SSBP4: variants seen among roughly 807,000 people sequenced by gnomAD.
SSBP4 encodes single stranded DNA binding protein 4.
Under a neutral mutation model 64.6 loss-of-function variants are expected in SSBP4, and 33 were observed. The ratio of observed to expected loss-of-function variants is 0.51; its 90% confidence interval spans 0.39 to 0.68. The LOEUF (loss-of-function observed/expected upper bound fraction) is 0.68. Among genes scored for constraint, SSBP4 ranks in the 30% least tolerant of loss-of-function variants. The probability of loss-of-function intolerance (pLI) is 0.00; values close to 1 mark genes in which losing one functional copy is unlikely to be tolerated. For synonymous variants in SSBP4, 243 were observed against 224.0 expected (o/e 1.08, Z -0.76); for missense variants, 583 against 566.8 (o/e 1.03, Z -0.29).
chr19:18,432,980 C>T lies in SSBP4; in HGVS notation c.849C>T (p.Thr283=). 6.2e-7 allele frequency: 1 copy of T among 1,614,176 alleles called. No homozygotes were observed. Among genetic ancestry groups the T allele is most frequent in the Non-Finnish European group, 8.5e-7 (1 of 1,180,024 alleles). The change falls in exon 14 of 18, where the codon ACC becomes ACT. Residue 283 remains threonine (T), a synonymous_variant. Transcript: ENST00000270061. ...TPIMPSPGDS[T]NSSENMYTIM... Reference sequence around the variant, plus strand: ...CCTTCTGGTCTCCCCCAGATTCCACCAACTCCAGCGAAAACATGTACACTA... The same window carrying T: ...CCTTCTGGTCTCCCCCAGATTCCACTAACTCCAGCGAAAACATGTACACTA...
upstream of SSBP4, chr19:18,419,101 ATG>A (rs1972242720): frequency 6.1e-6 from 6 of 985,352 alleles, no homozygotes. Flanking sequence ...GTCGCTGCGA[ATG>A]TGTGTGGCTG....
chr19:18,433,874 G>A (rs1263005463), intron 17 of SSBP4, 57 bp downstream of exon 17: 2 of 1,300,084 alleles, frequency 1.5e-6, no homozygotes, highest in South Asian at 4.5e-5. Context: ...GGGGCTGGCG[G>A]GCAGGCCCCG....
upstream of SSBP4, among the ~76,000 whole-genome samples, chr19:18,416,740 T>C (rs150685722): frequency 2.9e-3 from 437 of 152,218 alleles, 4 homozygotes; most frequent in African/African-American, 0.01. Flanking sequence ...GTCTGAACAT[T>C]CCACTTCCAG....
rs1334542331 is a variant in SSBP4 at position 18,425,346 on chromosome 19, A to T, written c.60-2005A>T. ...CGTTCCTGCAACTCTGTCTTACCCCACTCTGGCCTTTCATGCCCCCTGCTC... is the reference window on the plus strand; with the variant it reads ...CGTTCCTGCAACTCTGTCTTACCCCTCTCTGGCCTTTCATGCCCCCTGCTC... On this transcript the variant is annotated intron_variant, in intron 1 of 17. Transcript: ENST00000270061. Among the ~76,000 whole-genome samples the T allele has an allele frequency of 7.9e-5, 12 of 151,892 alleles. No homozygotes were observed. The East Asian group carries it at 2.3e-3, about 29-fold the overall frequency.
In SSBP4 at chr19:18,434,471, C is replaced by G. The variant is rs1178103799; in HGVS notation, c.*225C>G. On this transcript the variant is annotated 3_prime_UTR_variant, in exon 18 of 18. Transcript: ENST00000270061. ...CCCTTCCTGCCATTTGTATTTTGTC[C>G]CAGAGAGAAAGGCTCTTTGGGGGGC... 1.1e-6 allele frequency: 1 copy of G among 926,938 alleles called. No individual in the cohort carries two copies. Among genetic ancestry groups the G allele is most frequent in the Non-Finnish European group, 1.5e-6 (1 of 672,644 alleles). The allele number at this position is 926,938 out of a possible 1,614,324, so 57.4% of individuals were successfully genotyped here.
At position 18,432,300 on chromosome 19, in the gene SSBP4, C is replaced by T. The variant is rs1467114467; in HGVS notation, c.704+86C>T. 16 of 1,517,938 alleles carry T rather than the reference C, an allele frequency of 1.1e-5. No individual in the cohort carries two copies. The Admixed American group carries it at 2.4e-4, about 23-fold the overall frequency. The allele number at this position is 1,517,938 out of a possible 1,614,324, so 94.0% of individuals were successfully genotyped here. The stretch of plus-strand genomic sequence containing the variant: ...GGGTCAGCTGGGGCAGGTCCTGAAT[C>T]CTCAGGACAGCCTTGGATATTGTTT... On this transcript the variant is annotated intron_variant, in intron 10 of 17. Transcript: ENST00000270061.
rs1458352483 is a variant in SSBP4 at position 18,423,596 on chromosome 19, G to T, written c.60-3755G>T. ...AGGGAGCATCCATTGCAGCCATTCTGGGTAATTATGGTAACTCGCGTCATT... is the reference window on the plus strand; with the variant it reads ...AGGGAGCATCCATTGCAGCCATTCTTGGTAATTATGGTAACTCGCGTCATT... On this transcript the variant is annotated intron_variant, in intron 1 of 17. Transcript: ENST00000270061. This position sits in a 1 kb window ranked among gnomAD's most constrained non-coding sequence, Gnocchi z 4.0. Among the ~76,000 whole-genome samples, 1 of 152,154 alleles carries T rather than the reference G, an allele frequency of 6.6e-6. No individual in the cohort carries two copies. The highest frequency in any genetic ancestry group is 1.5e-5 in the Non-Finnish European group (1 of 68,022).
At chr19:18,414,042 G>A (rs890541893), upstream of SSBP4, among the ~76,000 whole-genome samples, 16 of 150,276 alleles carry the variant, frequency 1.1e-4, no homozygotes, top group South Asian at 4.2e-4. Flanking sequence ...CAAAAAAAAC[G>A]GCATTCCCTC....
At position 18,426,553 on chromosome 19, in the gene SSBP4, G is replaced by T. The variant is rs1972869453; in HGVS notation, c.60-798G>T. Among the ~76,000 whole-genome samples the T allele has an allele frequency of 6.6e-6, 1 of 152,186 alleles. No homozygotes were observed. The highest frequency in any genetic ancestry group is 6.5e-5 in the Admixed American group (1 of 15,286). ...TGGTGTGGCAGCTGGACTGGAGCGG[G>T]GTGGACAGTCCGGCCTCCCCCTGTG... On this transcript the variant is annotated intron_variant, in intron 1 of 17. Transcript: ENST00000270061. The surrounding 1 kb of genome is among the most constrained non-coding windows in gnomAD (Gnocchi z 4.5).
chr19:18,418,970 C>G, upstream of SSBP4: 1 of 985,482 alleles, frequency 1.0e-6, no homozygotes, highest in Non-Finnish European at 1.2e-6. This position sits in a 1 kb window ranked among gnomAD's most constrained non-coding sequence, Gnocchi z 6.7. Flanking sequence ...CCCACCCTTG[C>G]TGAGTGTGGG....
the SSBP4 span, among the ~76,000 whole-genome samples, chr19:18,407,460 AG>A: frequency 6.6e-6 from 1 of 152,042 alleles, no homozygotes; most frequent in South Asian, 2.1e-4. Context: ...TCTGTTGCCC[AG>A]GCTGGAGTGC....
chr19:18,417,333 C>T (rs574842796), upstream of SSBP4, among the ~76,000 whole-genome samples: 283 of 152,290 alleles, frequency 1.9e-3, no homozygotes, highest in African/African-American at 4.9e-3. This position sits in a 1 kb window ranked among gnomAD's most constrained non-coding sequence, Gnocchi z 5.4. Flanking sequence ...TCACATTGAC[C>T]CAAGGAACCG....
At chr19:18,428,103 G>A in intron 4 of SSBP4, 121 bp downstream of exon 4, 1 of 1,154,682 alleles carries the variant, frequency 8.7e-7, no homozygotes. Flanking sequence ...GGCAGTTTGG[G>A]GTTGACAGGC....
intron 7 of SSBP4, 21 bp from the exon 8 acceptor site, chr19:18,431,772 G>C: frequency 6.5e-7 from 1 of 1,540,890 alleles, no homozygotes. Flanking sequence ...CACACTCAGT[G>C]CCGCCGCACC....
upstream of SSBP4, chr19:18,418,783 C>T (rs1972232003): frequency 5.7e-6 from 1 of 176,306 alleles, no homozygotes; most frequent in African/African-American, 2.4e-5. The surrounding 1 kb of genome is among the most constrained non-coding windows in gnomAD (Gnocchi z 6.7). Flanking sequence ...GAGTTAACTC[C>T]GTGGGCTCTG....
At chr19:18,402,831 G>A in the SSBP4 span, among the ~76,000 whole-genome samples, 1 of 152,198 alleles carries the variant, frequency 6.6e-6, no homozygotes, top group African/African-American at 2.4e-5. Flanking sequence ...GGGATAGTCT[G>A]AAACATGGCC....
At chr19:18,428,901 G>C (rs1480477161) in intron 4 of SSBP4, among the ~76,000 whole-genome samples, 2 of 152,196 alleles carry the variant, frequency 1.3e-5, no homozygotes, top group African/African-American at 4.8e-5. Flanking sequence ...GGGCCCCGGG[G>C]GTGTCTGGAG....
At chr19:18,420,102 G>A (rs1034852080) in intron 1 of SSBP4, 1 of 152,790 alleles carries the variant, frequency 6.5e-6, no homozygotes, top group Admixed American at 6.5e-5. Flanking sequence ...GGTGCGCGAG[G>A]CTGCGGACGC....
At chr19:18,424,275 G>T (rs1363200493) in intron 1 of SSBP4, among the ~76,000 whole-genome samples, 1 of 152,168 alleles carries the variant, frequency 6.6e-6, no homozygotes, top group Non-Finnish European at 1.5e-5. Context: ...CCAGGAGGGG[G>T]TCCCCGGGCC....
Sources: gnomAD v4.1 joint callset for allele counts (sites outside exome capture counted in the v4.1 genomes callset) on GRCh38, gnomAD v4.1.1 for gene constraint, Gnocchi (gnomAD v3.1) non-coding constraint, MANE v1.5 for transcripts, NCBI Gene and HGNC (gene_info 2026-07-23, HGNC 2026-07-21) for gene names.